Variants in CADPS2 observed in about 807,000 individuals in gnomAD.
CADPS2 encodes the protein calcium dependent secretion activator 2.
A neutral mutation model predicts 172.5 loss-of-function variants in CADPS2; 93 were observed. The ratio of observed to expected loss-of-function variants is 0.54; its 90% confidence interval spans 0.46 to 0.64. The LOEUF is 0.64. Ranked by LOEUF, CADPS2 falls within the 30% of genes least tolerant of loss-of-function variation. The pLI, the probability that CADPS2 is intolerant of heterozygous loss-of-function variation, is 0.00. For synonymous variants in CADPS2, 546 were observed against 555.2 expected, an observed-to-expected ratio of 0.98 and a Z score of 0.23; for missense variants, 1,420 against 1,565.9, an observed-to-expected ratio of 0.91 and a Z score of 1.57.
At chr7:122,400,103 A>C (rs2045752769) in intron 20 of CADPS2, among the ~76,000 whole-genome samples, 1 of 152,060 alleles carries the variant, frequency 6.6e-6, no homozygotes, top group Admixed American at 6.6e-5. Context: ...AAAATATAAA[A>C]AGCAGATTAA....
At chr7:122,874,695 T>A (rs1412856334) in intron 1 of CADPS2, among the ~76,000 whole-genome samples, 1 of 152,088 alleles carries the variant, frequency 6.6e-6, no homozygotes, top group Non-Finnish European at 1.5e-5. Context: ...TATAGACTAG[T>A]GAAACAGAAC....
At chr7:122,791,641 C>T (rs1329364103) in intron 1 of CADPS2, among the ~76,000 whole-genome samples, 1 of 151,864 alleles carries the variant, frequency 6.6e-6, no homozygotes, top group African/African-American at 2.4e-5. Flanking sequence ...TAACACTAAC[C>T]ATGGCAACAC....
In CADPS2 at chr7:122,804,511, T is replaced by G. The variant is rs77165101; in HGVS notation, c.340-67443A>C. ...AGACAGAAGATCATTTAATTTATTG[T>G]TTTTAATAGAAAATTTCTTAAATGA... On this transcript the variant is annotated intron_variant, in intron 1 of 29. Coordinates refer to ENST00000449022, the MANE Select transcript of CADPS2 (RefSeq NM_017954.11). Among the ~76,000 whole-genome samples the G allele has an allele frequency of 1.5e-3, 233 of 152,332 alleles. 4 individuals carry two copies. In the East Asian group the frequency reaches 0.038, roughly 25 times the overall value.
At chr7:122,841,259 T>C (rs1250487866) in intron 1 of CADPS2, among the ~76,000 whole-genome samples, 1 of 152,212 alleles carries the variant, frequency 6.6e-6, no homozygotes, top group Non-Finnish European at 1.5e-5. Context: ...GACAAGGCAT[T>C]GTTGCCTTTC....
intron 7 of CADPS2, among the ~76,000 whole-genome samples, chr7:122,561,752 ATAGTG>A (rs1362604275): frequency 6.6e-6 from 1 of 152,142 alleles, no homozygotes; most frequent in Non-Finnish European, 1.5e-5. Context: ...GTTCTGATAC[ATAGTG>A]AACTGATCAC....
At chr7:122,695,716 C>T (rs925444448) in intron 2 of CADPS2, among the ~76,000 whole-genome samples, 1 of 152,164 alleles carries the variant, frequency 6.6e-6, no homozygotes, top group Non-Finnish European at 1.5e-5. Flanking sequence ...CAAACAAGCA[C>T]ACTGTGTTAA....
chr7:122,472,032 T>G (rs2152172331), intron 13 of CADPS2, among the ~76,000 whole-genome samples: 1 of 152,342 alleles, frequency 6.6e-6, no homozygotes, highest in East Asian at 1.9e-4. Flanking sequence ...ATCTGGGATA[T>G]TCTTCTCATT....
chr7:122,458,364 A>C (rs1416169263), intron 14 of CADPS2, among the ~76,000 whole-genome samples: 1 of 152,166 alleles, frequency 6.6e-6, no homozygotes, highest in African/African-American at 2.4e-5. Context: ...CCTAACCTAT[A>C]ATACCTCCTA....
At chr7:122,526,397 TG>T (rs1447716936) in intron 8 of CADPS2, among the ~76,000 whole-genome samples, 1 of 152,104 alleles carries the variant, frequency 6.6e-6, no homozygotes, top group Non-Finnish European at 1.5e-5. Flanking sequence ...TTCACCATGT[TG>T]GCCAGGCTGG....
At chr7:122,563,325 T>C (rs888326363) in intron 7 of CADPS2, among the ~76,000 whole-genome samples, 1 of 152,172 alleles carries the variant, frequency 6.6e-6, no homozygotes, top group Non-Finnish European at 1.5e-5. Flanking sequence ...AGTAGCTTTA[T>C]CATTTTTCTT....
chr7:122,340,692 T>C (rs1357949396), intron 28 of CADPS2, among the ~76,000 whole-genome samples: 1 of 151,980 alleles, frequency 6.6e-6, no homozygotes, highest in Non-Finnish European at 1.5e-5. Flanking sequence ...CCTGAGAGAG[T>C]GAGCAGCCAC....
At chr7:122,720,457 T>C (rs1280302603) in intron 2 of CADPS2, among the ~76,000 whole-genome samples, 1 of 150,426 alleles carries the variant, frequency 6.6e-6, no homozygotes, top group Non-Finnish European at 1.5e-5. Context: ...CATATCTACA[T>C]GTATATGTAG....
At chr7:122,629,632 G>A (rs532667928) in intron 3 of CADPS2, among the ~76,000 whole-genome samples, 102 of 152,122 alleles carry the variant, frequency 6.7e-4, no homozygotes, top group Non-Finnish European at 1.2e-3. Context: ...CTCTTGTTTT[G>A]TTCTTTCAAG....
In CADPS2 at chr7:122,663,577, C is replaced by G. The variant is rs2080850386; in HGVS notation, c.454-8G>C. The G allele has an allele frequency of 6.6e-7, 1 of 1,520,650 alleles. No individual in the cohort carries two copies. Among genetic ancestry groups the G allele is most frequent in the Non-Finnish European group, 8.9e-7 (1 of 1,126,618 alleles). The allele number at this position is 1,520,650 out of a possible 1,614,324, so 94.2% of individuals were successfully genotyped here. A position where few individuals can be genotyped will look rare whatever the true frequency, so the allele number is the denominator to read the frequency against. On this transcript the variant is annotated splice_region_variant and splice_polypyrimidine_tract_variant and intron_variant, in intron 2 of 29. Transcript: ENST00000449022. ...GTCACTCTTTAGAAAAACCTGAAAA[C>G]AAAACAAAACAAAACAAAACAAAAA...
At chr7:122,695,935 C>G (rs1344876360) in intron 2 of CADPS2, among the ~76,000 whole-genome samples, 1 of 152,068 alleles carries the variant, frequency 6.6e-6, no homozygotes, top group Non-Finnish European at 1.5e-5. Flanking sequence ...AATTCCTGAA[C>G]TACCAGATGT....
chr7:122,755,281 T>C (rs1052703619), intron 1 of CADPS2, among the ~76,000 whole-genome samples: 2 of 152,176 alleles, frequency 1.3e-5, no homozygotes, highest in East Asian at 3.9e-4. Flanking sequence ...CTTAATAAAT[T>C]CATCTTAAAC....
At chr7:122,827,491 G>A (rs893936395) in intron 1 of CADPS2, among the ~76,000 whole-genome samples, 8 of 151,608 alleles carry the variant, frequency 5.3e-5, no homozygotes, top group Admixed American at 3.9e-4. Context: ...AATTAGCTGG[G>A]CCTGGTGGTG....
rs138284424 is a variant in CADPS2 at position 122,701,931 on chromosome 7, A to G, written c.453+35024T>C. On this transcript the variant is annotated intron_variant, in intron 2 of 29. Transcript: ENST00000449022. ...TTATGGAAAAAATGTTTGCAAGTTA[A>G]AATGCGTACTACATCTTGGGGTTTG... The G allele has an allele frequency of 7.0e-4, 1,125 of 1,613,694 alleles. 9 individuals are homozygous for G. The African/African-American group carries it at 0.012, about 17-fold the overall frequency.
chr7:122,590,351 T>C (rs988899539), intron 6 of CADPS2, among the ~76,000 whole-genome samples: 1 of 151,954 alleles, frequency 6.6e-6, no homozygotes, highest in Non-Finnish European at 1.5e-5. Context: ...GCATATTTAT[T>C]AGTCATTTAA....
Sources: allele counts gnomAD v4.1 joint callset (sites outside exome capture counted in the v4.1 genomes callset), GRCh38; gene constraint gnomAD v4.1.1; transcripts MANE v1.5; gene names NCBI Gene and HGNC (gene_info 2026-07-23, HGNC 2026-07-21).